Variants in AS3MT observed in about 807,000 individuals in gnomAD.
The protein encoded by AS3MT is arsenite methyltransferase.
Under a neutral mutation model 45.3 loss-of-function variants are expected in AS3MT, and 47 were observed. The ratio of observed to expected loss-of-function variants is 1.04; its 90% CI spans 0.82 to 1.32. AS3MT has a LOEUF of 1.32. Ranked by LOEUF, AS3MT falls within the 40% of genes most tolerant of loss-of-function variation. The pLI is 0.00. For synonymous variants in AS3MT, 141 were observed against 152.8 expected, an observed-to-expected ratio of 0.92 and a Z score of 0.57; for missense variants, 396 against 451.1, an observed-to-expected ratio of 0.88 and a Z score of 1.11.
intron 9 of AS3MT, among the ~76,000 whole-genome samples, chr10:102,879,331 A>G (rs942347391): frequency 1.3e-5 from 2 of 151,922 alleles, no homozygotes; most frequent in Non-Finnish European, 2.9e-5. Context: ...TAATATTTGT[A>G]TTTTTTGTAG....
intron 3 of AS3MT, among the ~76,000 whole-genome samples, chr10:102,872,024 A>G (rs909106975): frequency 1.3e-5 from 2 of 152,004 alleles, no homozygotes; most frequent in East Asian, 3.9e-4. Context: ...CTGGGATTAC[A>G]GGTACCTGCT....
At chr10:102,898,693 A>G (rs900593616) in intron 10 of AS3MT, among the ~76,000 whole-genome samples, 3 of 152,244 alleles carry the variant, frequency 2.0e-5, no homozygotes, top group Non-Finnish European at 2.9e-5. Context: ...ATTAACAACC[A>G]TAGCAGTAAT....
chr10:102,897,940 C>G (rs1184899101), intron 10 of AS3MT, among the ~76,000 whole-genome samples: 1 of 152,142 alleles, frequency 6.6e-6, no homozygotes, highest in Non-Finnish European at 1.5e-5. Context: ...CTGGTTTATC[C>G]CAACATAAGG....
At chr10:102,873,927 G>A (rs929042954) in intron 5 of AS3MT, among the ~76,000 whole-genome samples, 1 of 152,120 alleles carries the variant, frequency 6.6e-6, no homozygotes, top group African/African-American at 2.4e-5. Context: ...AGCTGCCTTT[G>A]AGGAACATAG....
In AS3MT at chr10:102,872,578, A is replaced by G; in HGVS notation, c.301A>G (p.Ile101Val). The change falls in exon 4 of 11, where the codon ATA (isoleucine) becomes GTA (valine). Residue 101 changes from isoleucine (I) to valine (V), a missense_variant. Coordinates refer to ENST00000369880, the MANE Select transcript of AS3MT (RefSeq NM_020682.4). ...LVGEKGHVTGIDMTKGQVEVA... is the reference protein window; with the variant it reads ...LVGEKGHVTGVDMTKGQVEVA... ...TGGTGAAAAAGGACACGTGACTGGA[A>G]TAGACATGACCAAAGGCCAGGTGAG... is the stretch of plus-strand genomic sequence containing the variant. The G allele has an allele frequency of 2.5e-6, 4 of 1,613,114 alleles. No homozygotes were observed. The highest frequency in any genetic ancestry group is 3.4e-6 in the Non-Finnish European group (4 of 1,179,724).
In AS3MT at chr10:102,889,994, CT is replaced by C. The variant is rs763044924; in HGVS notation, c.886-534del. Among the ~76,000 whole-genome samples the C allele has an allele frequency of 1.1e-3, 145 of 126,276 alleles. 1 individual carries two copies. The highest frequency in any genetic ancestry group is 2.4e-3 in the African/African-American group (83 of 33,962). 82.8% of individuals were successfully genotyped at this position (126,276 alleles called of 152,430 possible). The stretch of plus-strand genomic sequence containing the variant: ...TACACAGCCAGTTTCATTTTCTTTT[CT>C]TTTTTTTTTTTTTTTGAGACGGAGT... On this transcript the variant is annotated intron_variant, in intron 9 of 10. Transcript: ENST00000369880.
chr10:102,889,084 G>C (rs1188574626), intron 9 of AS3MT, among the ~76,000 whole-genome samples: 1 of 151,248 alleles, frequency 6.6e-6, no homozygotes, highest in Admixed American at 6.6e-5. Flanking sequence ...TAGAGACGGG[G>C]TTTTACCATG....
intron 4 of AS3MT, 57 bp downstream of exon 4, chr10:102,872,655 A>T: frequency 1.3e-6 from 2 of 1,549,502 alleles, no homozygotes; most frequent in Non-Finnish European, 1.7e-6. Context: ...TTATTTGAAA[A>T]ATAAAGTTGT....
intron 7 of AS3MT, among the ~76,000 whole-genome samples, chr10:102,878,001 T>G (rs1053170009): frequency 1.3e-5 from 2 of 152,094 alleles, no homozygotes; most frequent in Admixed American, 1.3e-4. Flanking sequence ...TCTGCCCACC[T>G]CGGCCTCCCA....
At chr10:102,869,717 G>A in intron 1 of AS3MT, 88 bp from the exon 2 acceptor site, 1 of 1,589,928 alleles carries the variant, frequency 6.3e-7, no homozygotes, top group Non-Finnish European at 8.6e-7. Flanking sequence ...CTCACCCCTC[G>A]GCCCGCTGCC....
In AS3MT at chr10:102,874,597, A is replaced by C. The variant is rs1216109829; in HGVS notation, c.464A>C (p.Asn155Thr). The change falls in exon 6 of 11, where the codon AAC (asparagine) becomes ACC (threonine). Residue 155 changes from asparagine to threonine, a missense_variant. Asn to Thr is a moderately conservative substitution (Grantham distance 65). Transcript: ENST00000369880. ...TTTCATCTGTTCTCTTTTAGATCAA[A>C]CTGTGTTATTAACCTTGTGCCTGAT... ...KNESHDIVVS[N>T]CVINLVPDKQ... is the part of the protein sequence containing the mutation. The C allele has an allele frequency of 6.2e-7, 1 of 1,602,934 alleles. No individual in the cohort carries two copies. Among genetic ancestry groups the C allele is most frequent in the East Asian group, 2.2e-5 (1 of 44,464 alleles).
intron 9 of AS3MT, among the ~76,000 whole-genome samples, chr10:102,886,355 C>T (rs1263583822): frequency 3.0e-5 from 4 of 135,150 alleles, no homozygotes; most frequent in Admixed American, 1.6e-4. Context: ...GAGGGAATCT[C>T]GCTCTGTTGC....
intron 9 of AS3MT, among the ~76,000 whole-genome samples, chr10:102,882,642 T>G (rs990941314): frequency 1.3e-5 from 2 of 152,012 alleles, no homozygotes; most frequent in Non-Finnish European, 1.5e-5. Context: ...TAGGCTGGAG[T>G]GCAGTGACTC....
chr10:102,890,186 T>C lies in AS3MT; in HGVS notation c.886-358T>C, dbSNP rs1390877752. Among the ~76,000 whole-genome samples, 6 of 151,770 alleles carry C rather than the reference T, an allele frequency of 4.0e-5. No individual in the cohort carries two copies. In the South Asian group the frequency reaches 1.0e-3, roughly 26 times the overall value. On this transcript the variant is annotated intron_variant, in intron 9 of 10. Coordinates refer to ENST00000369880, the MANE Select transcript of AS3MT (RefSeq NM_020682.4). ...CGGCTAATTTTTTGTATTTTTTTAG[T>C]AGAGATGGGGTTTCACTGTGTTAGC...
At chr10:102,900,546 CA>C (rs1380344185) in intron 10 of AS3MT, 46 bp from the exon 11 acceptor site, 2 of 1,406,022 alleles carry the variant, frequency 1.4e-6, no homozygotes, top group African/African-American at 2.8e-5. Context: ...TTGGGTACAT[CA>C]AAACACCTTT....
At chr10:102,892,679 T>A (rs1845090314) in intron 10 of AS3MT, among the ~76,000 whole-genome samples, 1 of 152,072 alleles carries the variant, frequency 6.6e-6, no homozygotes, top group Non-Finnish European at 1.5e-5. Context: ...ATATATTTTT[T>A]AAAATTTTAG....
At chr10:102,887,560 A>G (rs929616901) in intron 9 of AS3MT, among the ~76,000 whole-genome samples, 2 of 152,184 alleles carry the variant, frequency 1.3e-5, no homozygotes, top group Admixed American at 6.6e-5. Flanking sequence ...TTATCATTAT[A>G]TAGTAACCTT....
At chr10:102,870,240 G>T (rs373760875) in intron 3 of AS3MT, 29 bp downstream of exon 3, 1 of 1,612,842 alleles carries the variant, frequency 6.2e-7, no homozygotes, top group Non-Finnish European at 8.5e-7. Context: ...TCCCCAGGAA[G>T]ACCCCAAACA....
chr10:102,876,812 G>T, intron 6 of AS3MT, 142 bp from the exon 7 acceptor site: 1 of 772,248 alleles, frequency 1.3e-6, no homozygotes, highest in Non-Finnish European at 2.1e-6. Context: ...TAAAGAGGCA[G>T]CTGCTATTTG....
Sources: gnomAD v4.1 joint callset for allele counts (sites outside exome capture counted in the v4.1 genomes callset) on GRCh38, gnomAD v4.1.1 for gene constraint, MANE v1.5 for transcripts, NCBI Gene and HGNC (gene_info 2026-07-23, HGNC 2026-07-21) for gene names.